EFNA5: variants seen among roughly 807,000 people sequenced by gnomAD.
EFNA5 encodes ephrin A5.
EFNA5 carries 5 observed loss-of-function variants against 22.9 expected under a neutral mutation model. The ratio of observed to expected loss-of-function variants is 0.22; its 90% CI spans 0.11 to 0.46. EFNA5 has a LOEUF of 0.46. Ranked by LOEUF, EFNA5 falls within the 20% of genes least tolerant of loss-of-function variation. The pLI, the probability that EFNA5 is intolerant of heterozygous loss-of-function variation, is 0.99. For synonymous variants in EFNA5, 113 were observed against 112.2 expected, an observed-to-expected ratio of 1.01 and a Z score of -0.04; for missense variants, 237 against 293.3, an observed-to-expected ratio of 0.81 and a Z score of 1.40.
intron 1 of EFNA5, among the ~76,000 whole-genome samples, chr5:107,658,213 A>T (rs1750870451): frequency 4.6e-5 from 7 of 152,214 alleles, no homozygotes; most frequent in African/African-American, 1.7e-4. Flanking sequence ...GGTTAATTTA[A>T]CCATACGGAT....
chr5:107,523,257 T>C (rs767450045), intron 1 of EFNA5, among the ~76,000 whole-genome samples: 1 of 152,184 alleles, frequency 6.6e-6, no homozygotes, highest in East Asian at 1.9e-4. Context: ...GAAATAGCCA[T>C]GATATCATTC....
At chr5:107,625,493 G>A (rs890293568) in intron 1 of EFNA5, among the ~76,000 whole-genome samples, 1 of 151,942 alleles carries the variant, frequency 6.6e-6, no homozygotes, top group Non-Finnish European at 1.5e-5. Context: ...TACAAAACAT[G>A]TTATAATTTG....
chr5:107,521,157 C>T (rs1747587402), intron 1 of EFNA5, among the ~76,000 whole-genome samples: 1 of 152,110 alleles, frequency 6.6e-6, no homozygotes, highest in African/African-American at 2.4e-5. Context: ...TACATGTAAC[C>T]TACAAAACAT....
At chr5:107,512,715 T>C (rs1353983652) in intron 1 of EFNA5, among the ~76,000 whole-genome samples, 1 of 151,490 alleles carries the variant, frequency 6.6e-6, no homozygotes, top group Non-Finnish European at 1.5e-5. Flanking sequence ...CCGAGAATGC[T>C]GTTCTGAATT....
intron 2 of EFNA5, among the ~76,000 whole-genome samples, chr5:107,423,660 G>A (rs910943654): frequency 6.6e-6 from 1 of 151,988 alleles, no homozygotes; most frequent in South Asian, 2.1e-4. Flanking sequence ...TATAAATACC[G>A]CCAACTTTCT....
chr5:107,450,044 A>G (rs907445096), intron 1 of EFNA5, among the ~76,000 whole-genome samples: 1 of 152,214 alleles, frequency 6.6e-6, no homozygotes, highest in African/African-American at 2.4e-5. Context: ...AAGGGGAAGC[A>G]AATCATCTCC....
chr5:107,496,945 T>C (rs1205833050), intron 1 of EFNA5, among the ~76,000 whole-genome samples: 3 of 152,224 alleles, frequency 2.0e-5, no homozygotes, highest in South Asian at 4.1e-4. Context: ...CTTGGCTTTA[T>C]GCTAATGGGG....
intron 2 of EFNA5, among the ~76,000 whole-genome samples, chr5:107,424,874 A>C (rs1410076893): frequency 6.6e-6 from 1 of 152,218 alleles, no homozygotes; most frequent in African/African-American, 2.4e-5. Flanking sequence ...ATTACTAAAA[A>C]GACAGGGAAG....
At chr5:107,641,368 A>G (rs1750507433) in intron 1 of EFNA5, among the ~76,000 whole-genome samples, 1 of 152,100 alleles carries the variant, frequency 6.6e-6, no homozygotes, top group Non-Finnish European at 1.5e-5. Context: ...AAAAAAAAAA[A>G]AAATGTAGAA....
In EFNA5 at chr5:107,505,672, C is replaced by A. The variant is rs180751298; in HGVS notation, c.126-78163G>T. On this transcript the variant is annotated intron_variant, in intron 1 of 4. Transcript: ENST00000333274. Reference sequence around the variant, plus strand: ...TATTAACTGATTGCGTAGTGAAAATCTTCAATATTCAGTAAATATTCATTG... The same window carrying A: ...TATTAACTGATTGCGTAGTGAAAATATTCAATATTCAGTAAATATTCATTG... Among the ~76,000 whole-genome samples, 292 of 152,220 alleles carry A rather than the reference C, an allele frequency of 1.9e-3. 1 individual carries two copies. Among genetic ancestry groups the A allele is most frequent in the Middle Eastern group, 6.8e-3 (2 of 294 alleles).
intron 1 of EFNA5, among the ~76,000 whole-genome samples, chr5:107,658,775 A>G (rs1750881034): frequency 6.6e-6 from 1 of 152,164 alleles, no homozygotes; most frequent in African/African-American, 2.4e-5. Context: ...GGCCCTATGT[A>G]GCCCAGACCC....
chr5:107,669,445 G>A (rs1362309055), intron 1 of EFNA5, among the ~76,000 whole-genome samples: 1 of 151,998 alleles, frequency 6.6e-6, no homozygotes, highest in African/African-American at 2.4e-5. Flanking sequence ...TGGGCCTAGC[G>A]GGGCCGACTT....
At chr5:107,508,129 C>G (rs1377980432) in intron 1 of EFNA5, among the ~76,000 whole-genome samples, 1 of 152,106 alleles carries the variant, frequency 6.6e-6, no homozygotes, top group East Asian at 1.9e-4. Flanking sequence ...CAGGTGATGC[C>G]TTGGGCAAAT....
chr5:107,593,508 G>C (rs998116651), intron 1 of EFNA5, among the ~76,000 whole-genome samples: 3 of 152,150 alleles, frequency 2.0e-5, no homozygotes, highest in African/African-American at 7.2e-5. Context: ...TGTCAGAGAT[G>C]TTCAAACCTC....
intron 1 of EFNA5, among the ~76,000 whole-genome samples, chr5:107,560,873 A>T (rs970959722): frequency 6.6e-6 from 1 of 152,226 alleles, no homozygotes. Context: ...GGCTGCATGG[A>T]CCAAGCTCTA....
At chr5:107,524,083 T>C (rs1336713317) in intron 1 of EFNA5, among the ~76,000 whole-genome samples, 3 of 152,250 alleles carry the variant, frequency 2.0e-5, no homozygotes, top group Non-Finnish European at 4.4e-5. Flanking sequence ...TTGTAATTCA[T>C]GTAGTTAGTC....
intron 1 of EFNA5, among the ~76,000 whole-genome samples, chr5:107,594,933 CT>C (rs1749444217): frequency 6.6e-6 from 1 of 152,196 alleles, no homozygotes; most frequent in Non-Finnish European, 1.5e-5. Flanking sequence ...AAAACAGCGG[CT>C]AAGTGGGTGT....
intron 2 of EFNA5, among the ~76,000 whole-genome samples, chr5:107,426,560 C>T (rs2112420138): frequency 6.6e-6 from 1 of 152,268 alleles, no homozygotes; most frequent in African/African-American, 2.4e-5. Flanking sequence ...AGAAACAAGG[C>T]CAGGCATTCT....
chr5:107,521,205 C>T (rs772273388), intron 1 of EFNA5, among the ~76,000 whole-genome samples: 7 of 152,180 alleles, frequency 4.6e-5, no homozygotes, highest in South Asian at 2.1e-4. Flanking sequence ...ATGCTCAGAA[C>T]GCTTACATTA....
Sources: allele counts gnomAD v4.1 joint callset (sites outside exome capture counted in the v4.1 genomes callset), GRCh38; gene constraint gnomAD v4.1.1; transcripts MANE v1.5; gene names NCBI Gene and HGNC (gene_info 2026-07-23, HGNC 2026-07-21).